PRIM2: variants seen among roughly 807,000 people sequenced by gnomAD.
PRIM2 encodes DNA primase large subunit.
Under a neutral mutation model 67.3 loss-of-function variants are expected in PRIM2, and 39 were observed. The observed-to-expected ratio is 0.58, with a 90% CI of 0.45 to 0.76. PRIM2 has a LOEUF of 0.76. PRIM2 is among the 30% of genes least tolerant of loss of function. The pLI is 0.00. For synonymous variants in PRIM2, 143 were observed against 198.7 expected, an observed-to-expected ratio of 0.72 and a Z score of 2.36; for missense variants, 398 against 598.7, an observed-to-expected ratio of 0.66 and a Z score of 3.50.
At chr6:57,259,531 G>A in the PRIM2 span, among the ~76,000 whole-genome samples, 1 of 152,030 alleles carries the variant, frequency 6.6e-6, no homozygotes, top group Non-Finnish European at 1.5e-5. Flanking sequence ...AAGAGATAAG[G>A]GTATGCCTGT....
chr6:57,567,916 A>G (rs1219669308), intron 10 of PRIM2, among the ~76,000 whole-genome samples: 2 of 152,186 alleles, frequency 1.3e-5, no homozygotes, highest in Non-Finnish European at 2.9e-5. Flanking sequence ...TTATGTTTTC[A>G]TAGTTGACAT....
At chr6:57,401,848 C>T (rs1770719048) in intron 7 of PRIM2, among the ~76,000 whole-genome samples, 1 of 152,144 alleles carries the variant, frequency 6.6e-6, no homozygotes, top group Non-Finnish European at 1.5e-5. Flanking sequence ...GACTGGTCTC[C>T]TCCCCTTGGC....
Position 57,537,645 on chromosome 6 carries a change from T to A in PRIM2, c.1020+20T>A, listed in dbSNP as rs1326582851. On this transcript the variant is annotated intron_variant, in intron 10 of 13. Coordinates refer to ENST00000615550, the MANE Select transcript of PRIM2 (RefSeq NM_000947.5). ...GACAAGGTAATTTTGAAAAAAAATATCAGAGTGGTACCTGATATTTTAATT... is the reference window on the plus strand; with the variant it reads ...GACAAGGTAATTTTGAAAAAAAATAACAGAGTGGTACCTGATATTTTAATT... The A allele has an allele frequency of 7.2e-7, 1 of 1,392,368 alleles. No individual in the cohort carries two copies. Among genetic ancestry groups the A allele is most frequent in the Non-Finnish European group, 9.5e-7 (1 of 1,050,670 alleles). The allele number at this position is 1,392,368 out of a possible 1,614,324, so 86.3% of individuals were successfully genotyped here. A position where few individuals can be genotyped will look rare whatever the true frequency, so the allele number is the denominator to read the frequency against.
the PRIM2 span, among the ~76,000 whole-genome samples, chr6:57,286,101 T>A: frequency 2.7e-5 from 4 of 150,528 alleles, no homozygotes; most frequent in African/African-American, 1.0e-4. Context: ...CTCAAGGAAA[T>A]AAGACAGGAC....
intron 8 of PRIM2, among the ~76,000 whole-genome samples, chr6:57,521,966 GA>G (rs1294808511): frequency 2.6e-5 from 4 of 151,104 alleles, no homozygotes; most frequent in African/African-American, 9.8e-5. Context: ...TCTTACAAAT[GA>G]GAGAAGAATG....
At chr6:57,298,597 T>C in the PRIM2 span, among the ~76,000 whole-genome samples, 19 of 152,012 alleles carry the variant, frequency 1.2e-4, no homozygotes, top group Non-Finnish European at 2.6e-4. Flanking sequence ...TTTTAACAGC[T>C]ACAAAATTGG....
chr6:57,542,939 A>ATTTTTTTTT (rs1193756482), intron 10 of PRIM2, among the ~76,000 whole-genome samples: 6,657 of 71,392 alleles, frequency 0.093, 1,665 homozygotes, highest in East Asian at 0.18. Context: ...TGCTTATAGG[A>ATTTTTTTTT]TTTTTTTTTT....
intron 7 of PRIM2, among the ~76,000 whole-genome samples, chr6:57,399,477 T>A (rs1770633235): frequency 1.3e-5 from 2 of 152,240 alleles, no homozygotes; most frequent in African/African-American, 4.8e-5. Flanking sequence ...TCTTTGCTAT[T>A]GTGAATAGTG....
rs377167415 is a variant in PRIM2, at chr6:57,382,099, C to T, written c.624C>T (p.Tyr208=). 19 of 1,613,020 alleles carry T rather than the reference C, an allele frequency of 1.2e-5. No individual in the cohort carries two copies. The highest frequency in any genetic ancestry group is 2.7e-5 in the African/African-American group (2 of 74,886). Residue 208 remains tyrosine, a synonymous_variant, in exon 7 of 14, where the codon TAC becomes TAT. Transcript: ENST00000615550. ...TCTATTTGGAAGATGGCTTTGCTTACGTACCACTTAAGGACATTGTGGCAA... is the reference window on the plus strand; with the variant it reads ...TCTATTTGGAAGATGGCTTTGCTTATGTACCACTTAAGGACATTGTGGCAA... ...RKVYLEDGFA[Y]VPLKDIVAII...
intron 5 of PRIM2, among the ~76,000 whole-genome samples, chr6:57,356,639 A>C (rs1769039319): frequency 6.6e-6 from 1 of 152,168 alleles, no homozygotes; most frequent in Admixed American, 6.5e-5. Context: ...GATATGTGTA[A>C]ATTGTTGCTA....
At chr6:57,516,663 G>A (rs1774494526) in intron 8 of PRIM2, among the ~76,000 whole-genome samples, 1 of 152,154 alleles carries the variant, frequency 6.6e-6, no homozygotes, top group Non-Finnish European at 1.5e-5. Flanking sequence ...TAGTGGCTGA[G>A]ATGTACTGGT....
intron 5 of PRIM2, among the ~76,000 whole-genome samples, chr6:57,348,228 T>G (rs1342101703): frequency 6.6e-6 from 1 of 152,180 alleles, no homozygotes; most frequent in African/African-American, 2.4e-5. Context: ...TCTGCTACCT[T>G]TTGTTTATCT....
At chr6:57,507,211 A>G (rs1554347276) in intron 7 of PRIM2, among the ~76,000 whole-genome samples, 176 bp from the exon 8 acceptor site, 2 of 152,326 alleles carry the variant, frequency 1.3e-5, no homozygotes, top group Non-Finnish European at 2.9e-5. Flanking sequence ...GCCAGCTTTG[A>G]TCACGTAATG....
At chr6:57,539,996 G>GAA (rs1171138513) in intron 10 of PRIM2, among the ~76,000 whole-genome samples, 2 of 121,562 alleles carry the variant, frequency 1.6e-5, no homozygotes, top group East Asian at 2.3e-4. Flanking sequence ...TCCATCTCAA[G>GAA]AAAAAAAAAA....
chr6:57,542,549 G>A (rs1243985467), intron 10 of PRIM2, among the ~76,000 whole-genome samples: 26,484 of 151,234 alleles, frequency 0.18, 2,452 homozygotes, highest in Non-Finnish European at 0.21. Context: ...TTTTTATTAT[G>A]GAATTTTTAT....
chr6:57,287,050 A>G, the PRIM2 span, among the ~76,000 whole-genome samples: 2 of 152,224 alleles, frequency 1.3e-5, no homozygotes, highest in Admixed American at 6.5e-5. Flanking sequence ...AATGAAAACC[A>G]CAATGAGATG....
At chr6:57,259,766 C>G in the PRIM2 span, among the ~76,000 whole-genome samples, 1 of 152,178 alleles carries the variant, frequency 6.6e-6, no homozygotes. Flanking sequence ...GACTCCCATC[C>G]TTTCACCTCC....
intron 7 of PRIM2, among the ~76,000 whole-genome samples, chr6:57,467,283 A>G (rs2127400308): frequency 6.6e-6 from 1 of 151,692 alleles, no homozygotes; most frequent in African/African-American, 2.4e-5. Context: ...TCTTTAATCC[A>G]TCTTGAGTTA....
chr6:57,450,484 A>G (rs1278214114), intron 7 of PRIM2, among the ~76,000 whole-genome samples: 2 of 152,218 alleles, frequency 1.3e-5, no homozygotes, highest in African/African-American at 4.8e-5. Context: ...ATAGTTTTCC[A>G]GTTAAGTACT....
Sources: allele counts gnomAD v4.1 joint callset (sites outside exome capture counted in the v4.1 genomes callset), GRCh38; gene constraint gnomAD v4.1.1; transcripts MANE v1.5; gene names NCBI Gene and HGNC (gene_info 2026-07-23, HGNC 2026-07-21).